The following DNAJC12 variants were observed in gnomAD, a reference collection of about 807,000 sequenced individuals.
DNAJC12 encodes dnaJ homolog subfamily C member 12.
DNAJC12 carries 25 observed loss-of-function variants against 28.5 expected under a neutral mutation model. The observed-to-expected ratio is 0.88, with a 90% CI of 0.64 to 1.22. The LOEUF is 1.22. Among genes scored for constraint, DNAJC12 ranks in the 50% most tolerant of loss-of-function variants. The pLI is 0.00. For synonymous variants in DNAJC12, 77 were observed against 80.6 expected, an observed-to-expected ratio of 0.95 and a Z score of 0.24; for missense variants, 222 against 231.7, an observed-to-expected ratio of 0.96 and a Z score of 0.27.
intron 1 of DNAJC12, among the ~76,000 whole-genome samples, chr10:67,829,217 A>T (rs571578085): frequency 4.7e-4 from 71 of 152,284 alleles, no homozygotes; most frequent in Non-Finnish European, 6.8e-4. Context: ...GAAAAGCACA[A>T]CAAAGAGACA....
chr10:67,810,993 T>A (rs1343062305), intron 3 of DNAJC12: 1 of 152,470 alleles, frequency 6.6e-6, no homozygotes, highest in Non-Finnish European at 1.5e-5. Context: ...AATATTTTGA[T>A]ATTTATGCCT....
rs748580160 is a variant in DNAJC12 at position 67,802,940 on chromosome 10, T to TC, written c.502+2642dup. ...ATCGCAGCTCACTGCAGCCTCAACA[T>TC]CCCCCCCCACACACACACCCGGGCT... is the stretch of plus-strand genomic sequence containing the variant. On this transcript the variant is annotated intron_variant, in intron 4 of 4. Transcript: ENST00000225171. 1.7e-3 allele frequency among the ~76,000 whole-genome samples: 247 copies of TC among 143,926 alleles called. 1 individual carries two copies. The highest frequency in any genetic ancestry group is 4.3e-3 in the African/African-American group (164 of 38,534). The allele number at this position is 143,926 out of a possible 152,430, so 94.4% of individuals were successfully genotyped here. A position where few individuals can be genotyped will look rare whatever the true frequency, so the allele number is the denominator to read the frequency against.
At chr10:67,805,492 G>A in intron 4 of DNAJC12, 91 bp downstream of exon 4, 1 of 1,344,402 alleles carries the variant, frequency 7.4e-7, no homozygotes, top group South Asian at 1.5e-5. Flanking sequence ...GCACTGCTGT[G>A]CAGATTGAAA....
rs150346369 is a variant in DNAJC12 at position 67,830,971 on chromosome 10, G to A, written c.78+6963C>T. On this transcript the variant is annotated intron_variant, in intron 1 of 4. Transcript: ENST00000225171. ...TGGGAGGCCAAGGTGGGCGGATCAC[G>A]AGGTCAGGAATTGGAGACCAGGCTG... Among the ~76,000 whole-genome samples, 618 of 152,070 alleles carry A rather than the reference G, an allele frequency of 4.1e-3. 6 individuals are homozygous for A. The highest frequency in any genetic ancestry group is 0.014 in the African/African-American group (567 of 41,374).
rs1297069532 is a variant in DNAJC12 at position 67,831,074 on chromosome 10, G to C, written c.78+6860C>G. Among the ~76,000 whole-genome samples, 3 of 152,264 alleles carry C rather than the reference G, an allele frequency of 2.0e-5. No individual in the cohort carries two copies. In the East Asian group the frequency reaches 5.8e-4, roughly 29 times the overall value. ...GTGGTAGCACGTGCCTGTAGTCCCA[G>C]CTACTTGGGAGGCTGAGACACAAGA... On this transcript the variant is annotated intron_variant, in intron 1 of 4. Transcript: ENST00000225171.
chr10:67,832,751 A>T (rs531151057), intron 1 of DNAJC12, among the ~76,000 whole-genome samples: 2 of 152,342 alleles, frequency 1.3e-5, no homozygotes, highest in Admixed American at 1.3e-4. Flanking sequence ...GAGAAGAAAC[A>T]GGACAGTCTC....
intron 2 of DNAJC12, among the ~76,000 whole-genome samples, chr10:67,819,920 G>A (rs552028583): frequency 1.6e-4 from 24 of 152,276 alleles, no homozygotes; most frequent in Non-Finnish European, 2.2e-4. Context: ...CAAGCAGGGC[G>A]TCTGCCTTAC....
At chr10:67,815,508 CAAAAAAA>C (rs762037586) in intron 2 of DNAJC12, among the ~76,000 whole-genome samples, 4 of 65,792 alleles carry the variant, frequency 6.1e-5, no homozygotes, top group Non-Finnish European at 1.2e-4. Flanking sequence ...TACTTCGTCT[CAAAAAAA>C]AAAAAAAAAA....
At chr10:67,816,163 A>G (rs1262325641) in intron 2 of DNAJC12, 4 of 398,058 alleles carry the variant, frequency 1.0e-5, no homozygotes, top group Admixed American at 4.4e-5. Context: ...TTTTAAATTC[A>G]TATTTTGCAA....
At chr10:67,819,711 G>A (rs1202559591) in intron 2 of DNAJC12, among the ~76,000 whole-genome samples, 4,969 of 31,432 alleles carry the variant, frequency 0.16, 914 homozygotes, top group South Asian at 0.19. Flanking sequence ...AGGAAGGAAG[G>A]AAGGAAGCAA....
In DNAJC12 at chr10:67,797,517, TAC is replaced by T. The variant is rs35207174; in HGVS notation, c.503-309_503-308del. ...ACATGCAAAGAAATTTGAAACAAAT[TAC>T]ACAGTTTTCAAAAACCTTTCAAAAG... is the stretch of plus-strand genomic sequence containing the variant. On this transcript the variant is annotated intron_variant, in intron 4 of 4. Coordinates refer to ENST00000225171, the MANE Select transcript of DNAJC12 (RefSeq NM_021800.3). 0.032 allele frequency among the ~76,000 whole-genome samples: 4,859 copies of T among 151,942 alleles called. 503 individuals carry two copies. In the East Asian group the frequency reaches 0.39, roughly 12 times the overall value.
intron 2 of DNAJC12, among the ~76,000 whole-genome samples, chr10:67,822,362 C>T (rs1841989222): frequency 6.6e-6 from 1 of 152,056 alleles, no homozygotes; most frequent in African/African-American, 2.4e-5. Flanking sequence ...GAGATAAGTA[C>T]CAAAAGGTAA....
Position 67,811,548 on chromosome 10 carries a change from T to G in DNAJC12, c.273A>C (p.Glu91Asp), listed in dbSNP as rs1197548986. Residue 91 changes from glutamate (E) to aspartate (D), a missense_variant, in exon 3 of 5, where the codon GAA becomes GAC. Transcript: ENST00000225171. ...SQMSMPFQQW[E>D]ALNDSVKTSM... ...CCGTCTTCACTGAGTCATTCAAAGCTTCCCACTGCTGGAATGGCATCGACA... is the reference window on the plus strand; with the variant it reads ...CCGTCTTCACTGAGTCATTCAAAGCGTCCCACTGCTGGAATGGCATCGACA... 6.2e-7 allele frequency: 1 copy of G among 1,614,166 alleles called. No homozygotes were observed. Among genetic ancestry groups the G allele is most frequent in the Non-Finnish European group, 8.5e-7 (1 of 1,180,016 alleles).
chr10:67,799,763 A>G (rs1055326801), intron 4 of DNAJC12, among the ~76,000 whole-genome samples: 1 of 151,938 alleles, frequency 6.6e-6, no homozygotes, highest in Non-Finnish European at 1.5e-5. Context: ...CACGCCTGTA[A>G]TCCCAGCTAC....
At chr10:67,798,836 G>T (rs1417651423) in intron 4 of DNAJC12, among the ~76,000 whole-genome samples, 1 of 145,840 alleles carries the variant, frequency 6.9e-6, no homozygotes, top group Non-Finnish European at 1.5e-5. Context: ...CGCGATCTCA[G>T]CTCACCACAA....
rs1053199310 is a variant in DNAJC12, at chr10:67,796,876, T to G, written c.*240A>C. The G allele has an allele frequency of 1.1e-5, 4 of 353,440 alleles. No homozygotes were observed. Among genetic ancestry groups the G allele is most frequent in the Non-Finnish European group, 2.0e-5 (4 of 195,294 alleles). The allele number at this position is 353,440 out of a possible 1,614,324, so 21.9% of individuals were successfully genotyped here. ...AGTATTAATAGGAAAAAGCATATAA[T>G]ACAATCTACTCTGTATCTAAGAGCT... On this transcript the variant is annotated 3_prime_UTR_variant, in exon 5 of 5. Coordinates refer to ENST00000225171, the MANE Select transcript of DNAJC12 (RefSeq NM_021800.3).
intron 1 of DNAJC12, among the ~76,000 whole-genome samples, chr10:67,826,619 T>TTA (rs201846787): frequency 7.5e-6 from 1 of 133,208 alleles, no homozygotes; most frequent in Non-Finnish European, 1.5e-5. Flanking sequence ...ATGATATATA[T>TTA]TATATATATC....
intron 2 of DNAJC12, among the ~76,000 whole-genome samples, chr10:67,812,226 T>C (rs1841868149): frequency 6.6e-6 from 1 of 151,880 alleles, no homozygotes; most frequent in Non-Finnish European, 1.5e-5. Flanking sequence ...TTAGAGGAAG[T>C]AGTAATTGCC....
At chr10:67,801,888 G>T (rs1277547802) in intron 4 of DNAJC12, among the ~76,000 whole-genome samples, 2 of 110,556 alleles carry the variant, frequency 1.8e-5, no homozygotes, top group Non-Finnish European at 3.3e-5. Context: ...GAGACACAGG[G>T]TCTTGCTCTA....
Sources: allele counts gnomAD v4.1 joint callset (sites outside exome capture counted in the v4.1 genomes callset), GRCh38; gene constraint gnomAD v4.1.1; transcripts MANE v1.5; gene names NCBI Gene and HGNC (gene_info 2026-07-23, HGNC 2026-07-21).